UBE2L6: variants seen among roughly 807,000 people sequenced by gnomAD.
UBE2L6 encodes ubiquitin/ISG15-conjugating enzyme E2 L6.
Under a neutral mutation model 13.6 loss-of-function variants are expected in UBE2L6, and 11 were observed. That is an observed-to-expected ratio of 0.81 (90% CI 0.51 to 1.34). The LOEUF is 1.34. Ranked by LOEUF, UBE2L6 falls within the 40% of genes most tolerant of loss-of-function variation. The pLI is 0.00. For missense variants in UBE2L6, 197 were observed against 199.5 expected (o/e 0.99, Z 0.07); for synonymous variants, 74 against 83.2 (o/e 0.89, Z 0.60).
At chr11:57,559,069 A>T (rs1454879654) in intron 2 of UBE2L6, among the ~76,000 whole-genome samples, 1 of 152,150 alleles carries the variant, frequency 6.6e-6, no homozygotes, top group African/African-American at 2.4e-5. Context: ...TGCTTTCATC[A>T]TCTCAAAGTT....
Position 57,552,148 on chromosome 11 carries a change from G to C in UBE2L6, c.*210C>G. On this transcript the variant is annotated 3_prime_UTR_variant, in exon 4 of 4. Transcript: ENST00000287156. The stretch of plus-strand genomic sequence containing the variant: ...TAAAGGGTGTGGGAAGGGTGCACCT[G>C]TGGCCAGGTGAACCTGGGAGTGAGT... The C allele has an allele frequency of 1.5e-6, 1 of 658,072 alleles. No individual in the cohort carries two copies. Among genetic ancestry groups the C allele is most frequent in the South Asian group, 1.9e-5 (1 of 52,116 alleles). 40.8% of individuals were successfully genotyped at this position (658,072 alleles called of 1,614,324 possible).
chr11:57,567,761 C>G (rs1945105727), upstream of UBE2L6: 1 of 946,354 alleles, frequency 1.1e-6, no homozygotes, highest in Non-Finnish European at 1.5e-6. Flanking sequence ...TCCCCGCACC[C>G]GCTCCGGCGA....
At chr11:57,562,982 C>T (rs1040758115) in intron 1 of UBE2L6, among the ~76,000 whole-genome samples, 1 of 152,106 alleles carries the variant, frequency 6.6e-6, no homozygotes, top group Non-Finnish European at 1.5e-5. Context: ...GAAAACACAG[C>T]CTCACCAAAC....
At chr11:57,565,281 A>G (rs1945079834) in intron 1 of UBE2L6, among the ~76,000 whole-genome samples, 5 of 151,930 alleles carry the variant, frequency 3.3e-5, no homozygotes. Flanking sequence ...AGAGAAAGAA[A>G]GAAGGAAAGA....
At position 57,552,064 on chromosome 11, in the gene UBE2L6, G is replaced by T; in HGVS notation, c.*294C>A. 2.9e-6 allele frequency: 1 copy of T among 350,034 alleles called. No homozygotes were observed. The highest frequency in any genetic ancestry group is 5.3e-6 in the Non-Finnish European group (1 of 189,060). The allele number at this position is 350,034 out of a possible 1,614,324, so 21.7% of individuals were successfully genotyped here. ...GCAAGGTGACCTGTCTCTCTAAGAT[G>T]GAGAGCTGGAGAACTGGCCTGTAAC... On this transcript the variant is annotated 3_prime_UTR_variant, in exon 4 of 4. Coordinates refer to ENST00000287156, the MANE Select transcript of UBE2L6 (RefSeq NM_004223.5).
At chr11:57,567,753 C>A (rs1015829234), upstream of UBE2L6, 8 of 993,408 alleles carry the variant, frequency 8.1e-6, no homozygotes, top group Non-Finnish European at 1.1e-5. Flanking sequence ...CGTGGGCCTC[C>A]CCGCACCCGC....
At chr11:57,557,468 C>T (rs1945007375) in intron 2 of UBE2L6, among the ~76,000 whole-genome samples, 1 of 148,214 alleles carries the variant, frequency 6.7e-6, no homozygotes. Context: ...GATCTCGGCT[C>T]ACCGCAACCT....
At chr11:57,559,387 G>A (rs1161336576) in intron 2 of UBE2L6, among the ~76,000 whole-genome samples, 1 of 152,216 alleles carries the variant, frequency 6.6e-6, no homozygotes, top group Non-Finnish European at 1.5e-5. Context: ...GAGGTGGGCA[G>A]ATCACTTGAG....
intron 1 of UBE2L6, among the ~76,000 whole-genome samples, chr11:57,563,494 AAAAG>A (rs1307914403): frequency 2.0e-5 from 3 of 150,678 alleles, no homozygotes; most frequent in East Asian, 2.0e-4. Context: ...AAAAAAAAAA[AAAAG>A]AAAGAAAGAA....
chr11:57,552,386 A>C lies in UBE2L6; in HGVS notation c.434T>G (p.Leu145Arg). 6.2e-7 allele frequency: 1 copy of C among 1,614,206 alleles called. No homozygotes were observed. Among genetic ancestry groups the C allele is most frequent in the Non-Finnish European group, 8.5e-7 (1 of 1,180,036 alleles). Residue 145 changes from leucine to arginine, a missense_variant, in exon 4 of 4, where the codon CTC becomes CGC. By Grantham distance (102) the Leu-to-Arg change is moderately radical (BLOSUM62 -2). Transcript: ENST00000287156. ...LFRKNAEEFTLRFGVDRPS is the reference protein window; with the variant it reads ...LFRKNAEEFTRRFGVDRPS ...GGAGGGCCGGTCCACTCCGAATCGG[A>C]GGGTGAACTCTTCGGCATTCTTTCT...
chr11:57,557,081 A>C (rs1196107872), intron 2 of UBE2L6, among the ~76,000 whole-genome samples: 1 of 150,690 alleles, frequency 6.6e-6, no homozygotes, highest in African/African-American at 2.4e-5. Flanking sequence ...AAAAAAAAAA[A>C]GGAAAGAAAA....
At chr11:57,552,577 A>T in intron 3 of UBE2L6, 68 bp from the exon 4 acceptor site, 1 of 1,577,728 alleles carries the variant, frequency 6.3e-7, no homozygotes, top group East Asian at 2.2e-5. Context: ...CCCGTTCCCA[A>T]TGTCCTGACA....
In UBE2L6 at chr11:57,555,453, A is replaced by G. The variant is rs186776904; in HGVS notation, c.124-830T>C. On this transcript the variant is annotated intron_variant, in intron 2 of 3. Coordinates refer to ENST00000287156, the MANE Select transcript of UBE2L6 (RefSeq NM_004223.5). ...ATAGTCAAATTCATAGAAACAAAATACAAAAGTGGTCACCAGGTGCTGGGG... is the reference window on the plus strand; with the variant it reads ...ATAGTCAAATTCATAGAAACAAAATGCAAAAGTGGTCACCAGGTGCTGGGG... 2.0e-5 allele frequency among the ~76,000 whole-genome samples: 3 copies of G among 152,324 alleles called. No homozygotes were observed. In the East Asian group the frequency reaches 5.8e-4, roughly 29 times the overall value.
chr11:57,567,382 C>A, intron 1 of UBE2L6: 1 of 747,460 alleles, frequency 1.3e-6, no homozygotes, highest in South Asian at 1.8e-5. Context: ...CAGAGGCCTC[C>A]AAACCCCCAA....
intron 1 of UBE2L6, 53 bp downstream of exon 1, chr11:57,567,531 GA>G (rs1945102343): frequency 6.3e-7 from 1 of 1,593,900 alleles, no homozygotes; most frequent in African/African-American, 1.3e-5. Context: ...AGGGAGGAGG[GA>G]ATGCGGGAGG....
At position 57,567,615 on chromosome 11, in the gene UBE2L6, G is replaced by C. The variant is rs369383436; in HGVS notation, c.-4C>G. The C allele has an allele frequency of 3.7e-6, 6 of 1,607,640 alleles. No individual in the cohort carries two copies. The African/African-American group carries it at 5.3e-5, about 14-fold the overall frequency. On this transcript the variant is annotated 5_prime_UTR_variant, in exon 1 of 4. Transcript: ENST00000287156. ...CCACTCGCATGCTCGCCATCATGTC[G>C]GGACCGAGTGTGTGGCACCCGTGGC...
chr11:57,561,341 C>T (rs1183205988), intron 1 of UBE2L6, among the ~76,000 whole-genome samples: 2 of 152,130 alleles, frequency 1.3e-5, no homozygotes, highest in African/African-American at 4.8e-5. Flanking sequence ...CCTGAATATC[C>T]CTTCTGAATT....
intron 1 of UBE2L6, among the ~76,000 whole-genome samples, chr11:57,563,761 G>A (rs1444478851): frequency 1.3e-5 from 2 of 151,058 alleles, no homozygotes; most frequent in African/African-American, 2.4e-5. Context: ...AATTAGCCGG[G>A]CGTGGTGGTG....
intron 1 of UBE2L6, 87 bp from the exon 2 acceptor site, chr11:57,560,519 G>A (rs1034429097): frequency 5.0e-6 from 5 of 1,001,002 alleles, no homozygotes; most frequent in African/African-American, 1.6e-5. Context: ...GCTGCCCCAA[G>A]TTCAAAACTG....
Sources: allele counts gnomAD v4.1 joint callset (sites outside exome capture counted in the v4.1 genomes callset), GRCh38; gene constraint gnomAD v4.1.1; transcripts MANE v1.5; gene names NCBI Gene and HGNC (gene_info 2026-07-23, HGNC 2026-07-21).